Variants in PDE6D observed in about 807,000 individuals in gnomAD.
The protein encoded by PDE6D is phosphodiesterase 6D.
PDE6D carries 10 observed loss-of-function variants against 21.9 expected under a neutral mutation model. The observed-to-expected ratio is 0.46, with a 90% CI of 0.28 to 0.78. PDE6D has a LOEUF of 0.78. PDE6D is among the 30% of genes least tolerant of loss of function. PDE6D has a pLI of 0.12. For missense variants in PDE6D, 139 were observed against 184.8 expected, an observed-to-expected ratio of 0.75 and a Z score of 1.44; for synonymous variants, 59 against 63.5, an observed-to-expected ratio of 0.93 and a Z score of 0.34.
intron 1 of PDE6D, among the ~76,000 whole-genome samples, chr2:231,754,789 G>A (rs146869733): frequency 2.0e-5 from 3 of 151,990 alleles, no homozygotes; most frequent in African/African-American, 7.2e-5. Context: ...TAATAAAGTA[G>A]ACTGGTTAAG....
intron 3 of PDE6D, chr2:231,737,756 C>T (rs2048714122): frequency 4.6e-6 from 2 of 431,606 alleles, no homozygotes; most frequent in South Asian, 3.5e-5. Flanking sequence ...GATCATATCA[C>T]AATACAACGT....
intron 1 of PDE6D, among the ~76,000 whole-genome samples, chr2:231,776,549 G>A (rs191539996): frequency 6.6e-6 from 1 of 152,254 alleles, no homozygotes; most frequent in East Asian, 1.9e-4. Flanking sequence ...GGTGGCTGGC[G>A]TTTGTAATAG....
chr2:231,739,011 A>G lies in PDE6D; in HGVS notation c.139+89T>C, dbSNP rs2048726452. On this transcript the variant is annotated intron_variant, in intron 2 of 4. Coordinates refer to ENST00000287600, the MANE Select transcript of PDE6D (RefSeq NM_002601.4). The surrounding 1 kb of genome is among the most constrained non-coding windows in gnomAD (Gnocchi z 4.2). ...TGTGTCTTCAGGGGCTCACCCGCCT[A>G]TTAGGTATGTGTTAACTTAGCTCTC... 1 of 755,918 alleles carries G rather than the reference A, an allele frequency of 1.3e-6. No individual in the cohort carries two copies. The highest frequency in any genetic ancestry group is 2.5e-5 in the East Asian group (1 of 39,536). 46.8% of individuals were successfully genotyped at this position (755,918 alleles called of 1,614,324 possible).
At chr2:231,752,166 G>A (rs2048844749) in intron 1 of PDE6D, among the ~76,000 whole-genome samples, 1 of 152,114 alleles carries the variant, frequency 6.6e-6, no homozygotes, top group African/African-American at 2.4e-5. Flanking sequence ...CATGTCTCAG[G>A]AATTCATTTG....
chr2:231,763,312 C>A (rs965246023), intron 1 of PDE6D, among the ~76,000 whole-genome samples: 7 of 152,148 alleles, frequency 4.6e-5, no homozygotes, highest in African/African-American at 1.7e-4. Context: ...CTCACTTAAT[C>A]ATTTCCCTCC....
At chr2:231,774,270 C>T (rs2049037603) in intron 1 of PDE6D, among the ~76,000 whole-genome samples, 2 of 152,134 alleles carry the variant, frequency 1.3e-5, no homozygotes, top group African/African-American at 4.8e-5. Flanking sequence ...AAATGAATGG[C>T]AGCAGATATT....
intron 1 of PDE6D, among the ~76,000 whole-genome samples, chr2:231,777,772 G>C (rs2049068426): frequency 6.6e-6 from 1 of 152,198 alleles, no homozygotes; most frequent in Admixed American, 6.5e-5. Context: ...TAACTACTTA[G>C]TAAATAGTAC....
At position 231,732,777 on chromosome 2, in the gene PDE6D, AAG is replaced by A; in HGVS notation, c.*173_*174del. ...AGCTGGAAGATGGTGGCTTGGGAAAAAGAGCCATCTGGTTACCTACACAGAGC... is the reference window on the plus strand; with the variant it reads ...AGCTGGAAGATGGTGGCTTGGGAAAAAGCCATCTGGTTACCTACACAGAGC... On this transcript the variant is annotated 3_prime_UTR_variant, in exon 5 of 5. Transcript: ENST00000287600. The A allele has an allele frequency of 1.8e-6, 1 of 570,624 alleles. No homozygotes were observed. The highest frequency in any genetic ancestry group is 2.1e-5 in the South Asian group (1 of 46,874). 35.3% of individuals were successfully genotyped at this position (570,624 alleles called of 1,614,324 possible).
At chr2:231,743,912 C>T (rs914259006) in intron 1 of PDE6D, among the ~76,000 whole-genome samples, 6 of 152,094 alleles carry the variant, frequency 3.9e-5, no homozygotes, top group African/African-American at 1.4e-4. Context: ...CTAAACTGTC[C>T]CAGGCAGCTA....
chr2:231,779,096 C>T (rs2049080551), intron 1 of PDE6D: 2 of 152,198 alleles, frequency 1.3e-5, no homozygotes, highest in African/African-American at 2.4e-5. Flanking sequence ...CTCTCTTACT[C>T]CACAAATGCC....
intron 1 of PDE6D, among the ~76,000 whole-genome samples, chr2:231,770,508 T>C (rs1420473644): frequency 6.6e-6 from 1 of 152,166 alleles, no homozygotes; most frequent in Non-Finnish European, 1.5e-5. Context: ...AAAATAAATC[T>C]GGCTGTGACT....
At chr2:231,741,910 T>G (rs963025886) in intron 1 of PDE6D, among the ~76,000 whole-genome samples, 2 of 152,194 alleles carry the variant, frequency 1.3e-5, no homozygotes, top group African/African-American at 2.4e-5. Context: ...GCACGAAATG[T>G]TGAGAAACAA....
intron 3 of PDE6D, chr2:231,737,573 G>A: frequency 2.7e-6 from 1 of 375,428 alleles, no homozygotes; most frequent in Non-Finnish European, 4.8e-6. Context: ...TAGGCTAGAT[G>A]TGAACTATAT....
At chr2:231,743,144 G>A (rs1170479274) in intron 1 of PDE6D, among the ~76,000 whole-genome samples, 1 of 152,172 alleles carries the variant, frequency 6.6e-6, no homozygotes, top group Admixed American at 6.5e-5. Flanking sequence ...GAAAAGTCTC[G>A]GCTGGGCGTC....
chr2:231,733,128 G>T, intron 4 of PDE6D, 95 bp from the exon 5 acceptor site: 1 of 837,982 alleles, frequency 1.2e-6, no homozygotes, highest in Non-Finnish European at 2.1e-6. Context: ...GGATTCCTGG[G>T]CCAATGGACA....
intron 1 of PDE6D, among the ~76,000 whole-genome samples, chr2:231,750,455 AAT>A (rs1329126174): frequency 6.6e-6 from 1 of 151,650 alleles, no homozygotes; most frequent in Non-Finnish European, 1.5e-5. Context: ...TATATGTGAA[AAT>A]ATATGTCTAT....
At chr2:231,769,990 A>G (rs568798381) in intron 1 of PDE6D, among the ~76,000 whole-genome samples, 18 of 152,362 alleles carry the variant, frequency 1.2e-4, no homozygotes, top group Middle Eastern at 3.4e-3. Flanking sequence ...TAAGCTGGTC[A>G]CAAGGTAGCC....
intron 1 of PDE6D, among the ~76,000 whole-genome samples, chr2:231,777,640 A>G (rs2049067532): frequency 6.6e-6 from 1 of 152,254 alleles, no homozygotes; most frequent in Non-Finnish European, 1.5e-5. Flanking sequence ...TCAAATGTGT[A>G]TAGGTACAAG....
chr2:231,777,270 T>C (rs1461565650), intron 1 of PDE6D, among the ~76,000 whole-genome samples: 1 of 152,198 alleles, frequency 6.6e-6, no homozygotes, highest in Non-Finnish European at 1.5e-5. Context: ...AATACAAAGC[T>C]TCTACTGAAT....
Sources: gnomAD v4.1 joint callset for allele counts (sites outside exome capture counted in the v4.1 genomes callset) on GRCh38, gnomAD v4.1.1 for gene constraint, Gnocchi (gnomAD v3.1) non-coding constraint, MANE v1.5 for transcripts, NCBI Gene and HGNC (gene_info 2026-07-23, HGNC 2026-07-21) for gene names.